PRKG1: variants seen among roughly 807,000 people sequenced by gnomAD.
PRKG1 encodes the protein protein kinase cGMP-dependent 1.
A neutral mutation model predicts 88.1 loss-of-function variants in PRKG1; 35 were observed. The observed-to-expected ratio is 0.40, with a 90% CI of 0.30 to 0.53. The LOEUF (loss-of-function observed/expected upper bound fraction) is 0.53. Among genes scored for constraint, PRKG1 ranks in the 20% least tolerant of loss-of-function variants. The pLI is 0.59. For missense variants in PRKG1, 540 were observed against 839.8 expected (o/e 0.64, Z 4.41); for synonymous variants, 303 against 292.5 (o/e 1.04, Z -0.37).
chr10:51,328,853 A>G (rs1221192320), intron 2 of PRKG1, among the ~76,000 whole-genome samples: 2 of 151,812 alleles, frequency 1.3e-5, no homozygotes, highest in African/African-American at 4.8e-5. Flanking sequence ...TTTTGGGGAG[A>G]TATTAGGTAC....
At chr10:52,282,372 C>A in intron 14 of PRKG1, 56 bp downstream of exon 14, 1 of 1,455,768 alleles carries the variant, frequency 6.9e-7, no homozygotes, top group Non-Finnish European at 9.2e-7. Flanking sequence ...CAGCTACACA[C>A]TCCTGCTTTT....
intron 4 of PRKG1, among the ~76,000 whole-genome samples, chr10:51,855,796 G>A (rs751195496): frequency 6.6e-6 from 1 of 152,126 alleles, no homozygotes; most frequent in African/African-American, 2.4e-5. Flanking sequence ...AGAAAAAAGC[G>A]TTTATTGGAA....
chr10:52,255,937 T>G (rs986231554), intron 10 of PRKG1, among the ~76,000 whole-genome samples: 1 of 151,502 alleles, frequency 6.6e-6, no homozygotes, highest in Non-Finnish European at 1.5e-5. Flanking sequence ...ATTGTATAAT[T>G]TTGCCCTTAT....
At chr10:51,601,634 C>A (rs1838603074) in intron 3 of PRKG1, among the ~76,000 whole-genome samples, 1 of 150,280 alleles carries the variant, frequency 6.7e-6, no homozygotes, top group African/African-American at 2.4e-5. Flanking sequence ...ACCCTTTTAG[C>A]CTGCTCAGTA....
At chr10:52,090,849 G>T (rs1452243835) in intron 7 of PRKG1, among the ~76,000 whole-genome samples, 1 of 152,152 alleles carries the variant, frequency 6.6e-6, no homozygotes, top group Non-Finnish European at 1.5e-5. Context: ...AGAAATTGCT[G>T]ATGATCAAAC....
intron 3 of PRKG1, among the ~76,000 whole-genome samples, chr10:51,744,563 T>C (rs1341942558): frequency 2.0e-5 from 3 of 152,162 alleles, no homozygotes; most frequent in African/African-American, 7.2e-5. Flanking sequence ...ATAAGAATAG[T>C]GATAGTTTTT....
intron 1 of PRKG1, among the ~76,000 whole-genome samples, chr10:51,099,409 A>ACACACACACT (rs1464228719): frequency 4.6e-5 from 7 of 151,336 alleles, no homozygotes; most frequent in Non-Finnish European, 1.0e-4. Flanking sequence ...ACACACACAC[A>ACACACACACT]CACTCACTCA....
At chr10:51,334,457 A>AAATG (rs1379608601) in intron 2 of PRKG1, among the ~76,000 whole-genome samples, 5 of 152,190 alleles carry the variant, frequency 3.3e-5, no homozygotes, top group African/African-American at 1.2e-4. Flanking sequence ...TTATTGTTAT[A>AAATG]AATGAATGAA....
chr10:51,567,457 C>T (rs1256111546), intron 3 of PRKG1, among the ~76,000 whole-genome samples: 2 of 152,008 alleles, frequency 1.3e-5, no homozygotes, highest in African/African-American at 2.4e-5. Flanking sequence ...TCAGGGCATT[C>T]GAGGGAGACC....
chr10:51,331,709 G>A (rs36068818), intron 2 of PRKG1, among the ~76,000 whole-genome samples: 11,169 of 152,210 alleles, frequency 0.073, 486 homozygotes, highest in Middle Eastern at 0.12. Flanking sequence ...TTTCATGCAT[G>A]GATATATGTG....
At chr10:51,892,716 G>T (rs893786610) in intron 4 of PRKG1, among the ~76,000 whole-genome samples, 1 of 152,228 alleles carries the variant, frequency 6.6e-6, no homozygotes, top group Non-Finnish European at 1.5e-5. Context: ...AGAAATGAGA[G>T]ATGATAAACG....
At chr10:51,461,885 T>C (rs1050794216) in intron 2 of PRKG1, among the ~76,000 whole-genome samples, 6 of 152,230 alleles carry the variant, frequency 3.9e-5, no homozygotes, top group African/African-American at 1.4e-4. Context: ...TTCTACTTTC[T>C]TACTGGGTGA....
intron 2 of PRKG1, among the ~76,000 whole-genome samples, chr10:51,262,048 G>A (rs879808818): frequency 3.6e-4 from 55 of 151,708 alleles, no homozygotes; most frequent in Non-Finnish European, 6.0e-4. Flanking sequence ...CACTATGCCC[G>A]GCTAAATTTT....
intron 5 of PRKG1, among the ~76,000 whole-genome samples, chr10:51,995,514 CA>C (rs1844417574): frequency 6.6e-6 from 1 of 152,090 alleles, no homozygotes; most frequent in South Asian, 2.1e-4. Flanking sequence ...TTTTACCATT[CA>C]TATGGATACT....
At chr10:51,524,257 A>G (rs919992147) in intron 3 of PRKG1, among the ~76,000 whole-genome samples, 10 of 152,170 alleles carry the variant, frequency 6.6e-5, no homozygotes, top group African/African-American at 2.2e-4. Flanking sequence ...GTATTTGTTT[A>G]TGGCAATCTG....
At chr10:51,865,371 G>T (rs1033677048) in intron 4 of PRKG1, among the ~76,000 whole-genome samples, 5 of 151,812 alleles carry the variant, frequency 3.3e-5, no homozygotes, top group Admixed American at 2.0e-4. Flanking sequence ...TTTACAACAA[G>T]GCATTAATAA....
At chr10:51,872,348 A>C (rs1339577533) in intron 4 of PRKG1, among the ~76,000 whole-genome samples, 2 of 152,196 alleles carry the variant, frequency 1.3e-5, no homozygotes, top group Non-Finnish European at 1.5e-5. Flanking sequence ...GAGACAACTT[A>C]TGTAAAGTGC....
intron 7 of PRKG1, among the ~76,000 whole-genome samples, chr10:52,107,142 C>T (rs1847445982): frequency 6.6e-6 from 1 of 152,130 alleles, no homozygotes; most frequent in Non-Finnish European, 1.5e-5. Context: ...CAGTGTCTGA[C>T]CATTTTGTCA....
At chr10:51,610,313 G>T (rs765292638) in intron 3 of PRKG1, among the ~76,000 whole-genome samples, 1 of 151,852 alleles carries the variant, frequency 6.6e-6, no homozygotes, top group African/African-American at 2.4e-5. Context: ...CCAGTCTCTG[G>T]TATCCATCAT....
Sources: allele counts gnomAD v4.1 joint callset (sites outside exome capture counted in the v4.1 genomes callset), GRCh38; gene constraint gnomAD v4.1.1; transcripts MANE v1.5; gene names NCBI Gene and HGNC (gene_info 2026-07-23, HGNC 2026-07-21).